ST18: variants seen among roughly 807,000 people sequenced by gnomAD.
The protein encoded by ST18 is ST18 C2H2C-type zinc finger transcription factor.
In ST18, 50 loss-of-function variants were observed where a neutral mutation model predicts 110.0. The ratio of observed to expected loss-of-function variants is 0.45; its 90% CI spans 0.36 to 0.58. The LOEUF (loss-of-function observed/expected upper bound fraction) is 0.58. ST18 is among the 20% of genes least tolerant of loss of function. The probability of loss-of-function intolerance (pLI) is 0.00; values close to 1 mark genes in which losing one functional copy is unlikely to be tolerated. For synonymous variants in ST18, 461 were observed against 452.4 expected (o/e 1.02, Z -0.24); for missense variants, 1,306 against 1,280.1 (o/e 1.02, Z -0.31).
intron 10 of ST18, among the ~76,000 whole-genome samples, chr8:52,167,273 T>C (rs185412341): frequency 6.6e-6 from 1 of 152,174 alleles, no homozygotes; most frequent in Non-Finnish European, 1.5e-5. Context: ...AGCCTCATTA[T>C]GAAAAATCAA....
intron 21 of ST18, 150 bp downstream of exon 21, chr8:52,132,907 C>T (rs2050274056): frequency 1.1e-6 from 1 of 872,392 alleles, no homozygotes; most frequent in Non-Finnish European, 1.8e-6. Context: ...AAACTTTTCT[C>T]AAACCACCAA....
intron 2 of ST18, among the ~76,000 whole-genome samples, chr8:52,350,239 C>T (rs1459659974): frequency 6.6e-6 from 1 of 152,166 alleles, no homozygotes; most frequent in South Asian, 2.1e-4. Context: ...ATTAGAAGCT[C>T]TTATTAGGTA....
intron 2 of ST18, among the ~76,000 whole-genome samples, chr8:52,331,389 T>C (rs2140073159): frequency 6.6e-6 from 1 of 152,086 alleles, no homozygotes; most frequent in Non-Finnish European, 1.5e-5. Context: ...ATCTCCTAAA[T>C]TATGTTAAGG....
intron 2 of ST18, among the ~76,000 whole-genome samples, chr8:52,387,779 A>G (rs2140931418): frequency 6.6e-6 from 1 of 152,262 alleles, no homozygotes; most frequent in East Asian, 1.9e-4. Flanking sequence ...TTGACAGCCT[A>G]AGATATTTTG....
intron 2 of ST18, among the ~76,000 whole-genome samples, chr8:52,369,005 G>A (rs911886059): frequency 6.6e-6 from 1 of 151,980 alleles, no homozygotes; most frequent in Non-Finnish European, 1.5e-5. Flanking sequence ...GGGCCAGAAA[G>A]TCAGTCCTTC....
At chr8:52,290,596 G>A (rs1435718385) in intron 2 of ST18, among the ~76,000 whole-genome samples, 2 of 152,176 alleles carry the variant, frequency 1.3e-5, no homozygotes, top group African/African-American at 4.8e-5. Context: ...TTGTGAAAGA[G>A]GCGGGGATGT....
chr8:52,221,134 T>TCTAC (rs1170881610), intron 4 of ST18, among the ~76,000 whole-genome samples: 1 of 135,604 alleles, frequency 7.4e-6, no homozygotes, highest in African/African-American at 2.7e-5. Flanking sequence ...TATCTATCTA[T>TCTAC]CTACCTACCA....
intron 2 of ST18, among the ~76,000 whole-genome samples, chr8:52,233,375 A>G (rs1056460491): frequency 2.0e-5 from 3 of 152,200 alleles, no homozygotes; most frequent in Non-Finnish European, 2.9e-5. Flanking sequence ...TCTCGGTAAC[A>G]TGGGAGAACA....
At chr8:52,254,672 C>A (rs751054148) in intron 2 of ST18, among the ~76,000 whole-genome samples, 4 of 152,124 alleles carry the variant, frequency 2.6e-5, no homozygotes, top group Non-Finnish European at 5.9e-5. Flanking sequence ...TTTATCGCCA[C>A]GGCAACAACA....
intron 2 of ST18, among the ~76,000 whole-genome samples, chr8:52,391,784 C>A (rs557508691): frequency 6.6e-6 from 1 of 152,266 alleles, no homozygotes; most frequent in East Asian, 1.9e-4. Flanking sequence ...CATTGGGCAA[C>A]ACATGACTGT....
At position 52,235,319 on chromosome 8, in the gene ST18, T is replaced by C. The variant is rs910175741; in HGVS notation, c.-464-5242A>G. Among the ~76,000 whole-genome samples the C allele has an allele frequency of 2.6e-5, 4 of 152,088 alleles. No homozygotes were observed. In the South Asian group the frequency reaches 6.2e-4, roughly 24 times the overall value. ...AGTTCCCACAGGAAACCACGCCTGC[T>C]CCTATGGTAGCCCCTGGCCCACTGA... On this transcript the variant is annotated intron_variant, in intron 2 of 25. Transcript: ENST00000689386.
At chr8:52,261,792 C>A (rs1170454429) in intron 2 of ST18, among the ~76,000 whole-genome samples, 5 of 152,194 alleles carry the variant, frequency 3.3e-5, no homozygotes, top group Admixed American at 2.6e-4. Flanking sequence ...TATCCCAGGA[C>A]CGAGTCTTTC....
At chr8:52,345,742 AG>A (rs1312835370) in intron 2 of ST18, among the ~76,000 whole-genome samples, 1 of 152,178 alleles carries the variant, frequency 6.6e-6, no homozygotes, top group Non-Finnish European at 1.5e-5. Context: ...TTCTACCTCC[AG>A]GGAAAAGCCT....
intron 8 of ST18, among the ~76,000 whole-genome samples, chr8:52,197,727 G>C (rs915896624): frequency 6.6e-6 from 1 of 151,938 alleles, no homozygotes; most frequent in Non-Finnish European, 1.5e-5. Context: ...GGGCAGGGAG[G>C]CCAAAAAGAA....
chr8:52,194,816 C>G (rs1388829939), intron 8 of ST18: 1 of 152,188 alleles, frequency 6.6e-6, no homozygotes, highest in African/African-American at 2.4e-5. Flanking sequence ...ACATCATGAA[C>G]TGATCAGTTC....
chr8:52,184,078 C>T (rs990273241), intron 8 of ST18, among the ~76,000 whole-genome samples: 4 of 152,154 alleles, frequency 2.6e-5, no homozygotes, highest in African/African-American at 9.7e-5. Context: ...TGAGGGAAAG[C>T]CATGCTTTAC....
intron 10 of ST18, among the ~76,000 whole-genome samples, chr8:52,168,366 G>T (rs968638399): frequency 6.6e-6 from 1 of 151,578 alleles, no homozygotes; most frequent in Non-Finnish European, 1.5e-5. Context: ...GTGCAACGGG[G>T]CACGAAGTCT....
At chr8:52,241,399 C>T (rs936164359) in intron 2 of ST18, among the ~76,000 whole-genome samples, 3 of 152,178 alleles carry the variant, frequency 2.0e-5, no homozygotes, top group Non-Finnish European at 4.4e-5. Context: ...ATTGGCTATG[C>T]CTGGTGAGAT....
intron 2 of ST18, among the ~76,000 whole-genome samples, chr8:52,396,748 A>T (rs1448646556): frequency 6.6e-6 from 1 of 152,138 alleles, no homozygotes; most frequent in South Asian, 2.1e-4. Flanking sequence ...CACCCCCATG[A>T]TCTAATTACT....
Sources: allele counts gnomAD v4.1 joint callset (sites outside exome capture counted in the v4.1 genomes callset), GRCh38; gene constraint gnomAD v4.1.1; transcripts MANE v1.5; gene names NCBI Gene and HGNC (gene_info 2026-07-23, HGNC 2026-07-21).